Variants in RBBP4 observed in about 807,000 individuals in gnomAD.
The protein encoded by RBBP4 is RB binding protein 4, chromatin remodeling factor.
RBBP4 carries 3 observed loss-of-function variants against 57.2 expected under a neutral mutation model. That is an observed-to-expected ratio of 0.05 (90% CI 0.02 to 0.14). The LOEUF is 0.14. Among genes scored for constraint, RBBP4 ranks in the 10% least tolerant of loss-of-function variants. RBBP4 has a pLI of 1.00. For missense variants in RBBP4, 107 were observed against 520.6 expected, an observed-to-expected ratio of 0.21 and a Z score of 7.73; for synonymous variants, 151 against 171.5, an observed-to-expected ratio of 0.88 and a Z score of 0.93.
intron 2 of RBBP4, among the ~76,000 whole-genome samples, chr1:32,655,382 C>A (rs187967790): frequency 3.1e-4 from 47 of 149,510 alleles, no homozygotes; most frequent in Non-Finnish European, 6.3e-4. Flanking sequence ...ATCCGTTTCC[C>A]CCCTTTAAAA....
Position 32,657,418 on chromosome 1 carries a change from C to T in RBBP4, c.165-9C>T, listed in dbSNP as rs369960961. 9 of 1,610,358 alleles carry T rather than the reference C, an allele frequency of 5.6e-6. No individual in the cohort carries two copies. The highest frequency in any genetic ancestry group is 7.6e-6 in the Non-Finnish European group (9 of 1,178,416). ...TAATTTGAACAGTGACTATATATTG[C>T]CGTTACAGACCAGAAGGGAAAGATT... On this transcript the variant is annotated splice_polypyrimidine_tract_variant and intron_variant, in intron 2 of 11. Transcript: ENST00000373493.
Position 32,681,671 on chromosome 1 carries a change from G to A in RBBP4, c.*1966G>A, listed in dbSNP as rs772801481. The A allele has an allele frequency of 1.7e-5, 15 of 880,142 alleles. No homozygotes were observed. The highest frequency in any genetic ancestry group is 7.1e-5 in the Admixed American group (3 of 42,232). The allele number at this position is 880,142 out of a possible 1,614,324, so 54.5% of individuals were successfully genotyped here. A position where few individuals can be genotyped will look rare whatever the true frequency, so the allele number is the denominator to read the frequency against. On this transcript the variant is annotated 3_prime_UTR_variant, in exon 12 of 12. Coordinates refer to ENST00000373493, the MANE Select transcript of RBBP4 (RefSeq NM_005610.3). ...CAAAGAGTTGACATGTTCTGCCTCC[G>A]GCCAACTCTAGAATCTTTTTAAGCA...
chr1:32,653,635 T>TG (rs1484970457), intron 2 of RBBP4, among the ~76,000 whole-genome samples: 18 of 28,688 alleles, frequency 6.3e-4, no homozygotes, highest in Admixed American at 1.6e-3. Flanking sequence ...TTTTGTTTTC[T>TG]GGTTTTTTTT....
chr1:32,669,937 T>A lies in RBBP4; in HGVS notation c.966+374T>A, dbSNP rs1254828412. Among the ~76,000 whole-genome samples the A allele has an allele frequency of 6.6e-6, 1 of 152,202 alleles. No individual in the cohort carries two copies. Among genetic ancestry groups the A allele is most frequent in the African/African-American group, 2.4e-5 (1 of 41,458 alleles). ...ACCTGGATGTATGAGTGGGCACACA[T>A]GTGCTTTATGCCGTTGCTAAAAATA... is the stretch of plus-strand genomic sequence containing the variant. On this transcript the variant is annotated intron_variant, in intron 8 of 11. Transcript: ENST00000373493. This position sits in a 1 kb window ranked among gnomAD's most constrained non-coding sequence, Gnocchi z 4.9.
intron 11 of RBBP4, among the ~76,000 whole-genome samples, chr1:32,677,478 AAAAC>A (rs547773881): frequency 0.041 from 5,706 of 140,432 alleles, 180 homozygotes; most frequent in Admixed American, 0.11. Context: ...TTTAAAAAAA[AAAAC>A]AAAACAAAAA....
chr1:32,653,686 GTCTCC>G (rs1648008758), intron 2 of RBBP4, among the ~76,000 whole-genome samples: 2 of 105,368 alleles, frequency 1.9e-5, no homozygotes, highest in African/African-American at 3.6e-5. Context: ...TTGAGACGGA[GTCTCC>G]TCTCTTGCCC....
At chr1:32,677,803 TTC>T (rs1283614515) in intron 11 of RBBP4, among the ~76,000 whole-genome samples, 2 of 152,180 alleles carry the variant, frequency 1.3e-5, no homozygotes, top group African/African-American at 4.8e-5. Flanking sequence ...ATGTATTCTT[TTC>T]TCTGGGGTCA....
At chr1:32,652,381 G>C (rs1395989101) in intron 2 of RBBP4, 1 of 227,932 alleles carries the variant, frequency 4.4e-6, no homozygotes, top group Non-Finnish European at 8.8e-6. Context: ...GCCAGGAGCA[G>C]TGGCTCACAC....
At position 32,682,927 on chromosome 1, in the gene RBBP4, G is replaced by C. The variant is rs1300424916; in HGVS notation, c.*3222G>C. The C allele has an allele frequency of 6.6e-6, 1 of 152,118 alleles. No homozygotes were observed. The highest frequency in any genetic ancestry group is 1.5e-5 in the Non-Finnish European group (1 of 68,052). The allele number at this position is 152,118 out of a possible 1,614,324, so 9.4% of individuals were successfully genotyped here. On this transcript the variant is annotated 3_prime_UTR_variant, in exon 12 of 12. Transcript: ENST00000373493. ...CAGAATATACTGGTAAAACATTGGG[G>C]GAGGGATCCTGAGTAGGTGATTGGT...
chr1:32,658,992 TTG>T (rs1648274337), intron 3 of RBBP4, among the ~76,000 whole-genome samples: 2 of 137,058 alleles, frequency 1.5e-5, no homozygotes, highest in Admixed American at 8.5e-5. Flanking sequence ...CGTGTATATA[TTG>T]TGTGTAAAAT....
At chr1:32,672,213 C>T (rs1219766849) in intron 8 of RBBP4, among the ~76,000 whole-genome samples, 1 of 151,992 alleles carries the variant, frequency 6.6e-6, no homozygotes, top group Non-Finnish European at 1.5e-5. Flanking sequence ...TGATCTTGAA[C>T]TCCTGACCTC....
Position 32,681,971 on chromosome 1 carries a change from C to CT in RBBP4, c.*2269dup. 2 of 961,512 alleles carry CT rather than the reference C, an allele frequency of 2.1e-6. No homozygotes were observed. Among genetic ancestry groups the CT allele is most frequent in the South Asian group, 2.9e-5 (2 of 68,438 alleles). The allele number at this position is 961,512 out of a possible 1,614,324, so 59.6% of individuals were successfully genotyped here. On this transcript the variant is annotated 3_prime_UTR_variant, in exon 12 of 12. Coordinates refer to ENST00000373493, the MANE Select transcript of RBBP4 (RefSeq NM_005610.3). Reference sequence around the variant, plus strand: ...GTGATTTATGGATGATCAGGGATGACTTTCCCCTAGCAAATATTTGGATGC... The same window carrying CT: ...GTGATTTATGGATGATCAGGGATGACTTTTCCCCTAGCAAATATTTGGATGC...
intron 1 of RBBP4, chr1:32,651,699 C>T (rs1647697366): frequency 7.8e-6 from 6 of 770,508 alleles, no homozygotes; most frequent in African/African-American, 3.5e-5. Context: ...CCTGGCTGGC[C>T]CCTTGGCCTG....
chr1:32,670,362 A>G (rs1648818364), intron 8 of RBBP4, among the ~76,000 whole-genome samples: 1 of 152,160 alleles, frequency 6.6e-6, no homozygotes. Flanking sequence ...CTACCTCATC[A>G]GTTTAAACCC....
At position 32,681,496 on chromosome 1, in the gene RBBP4, A is replaced by C. The variant is rs1017234684; in HGVS notation, c.*1791A>C. ...TTGGTTTGGGTCAACACAAGGCAAG[A>C]TACATTCTTTAAAATACTCCCAGAT... On this transcript the variant is annotated 3_prime_UTR_variant, in exon 12 of 12. Coordinates refer to ENST00000373493, the MANE Select transcript of RBBP4 (RefSeq NM_005610.3). The C allele has an allele frequency of 1.1e-5, 3 of 278,200 alleles. No individual in the cohort carries two copies. The highest frequency in any genetic ancestry group is 6.6e-5 in the African/African-American group (3 of 45,600). 17.2% of individuals were successfully genotyped at this position (278,200 alleles called of 1,614,324 possible).
chr1:32,679,798 G>A lies in RBBP4; in HGVS notation c.*93G>A, dbSNP rs1351652198. On this transcript the variant is annotated 3_prime_UTR_variant, in exon 12 of 12. Coordinates refer to ENST00000373493, the MANE Select transcript of RBBP4 (RefSeq NM_005610.3). ...CTGGTTTTGAGACAGACTTTATTCA[G>A]CTATCCCTCTATATAATAGGTACCA... 7.1e-6 allele frequency: 11 copies of A among 1,558,804 alleles called. No individual in the cohort carries two copies. Among genetic ancestry groups the A allele is most frequent in the Non-Finnish European group, 7.8e-6 (9 of 1,156,498 alleles).
Position 32,657,494 on chromosome 1 carries a change from C to T in RBBP4, c.232C>T (p.His78Tyr). ...GACACACACATCGGATGAACAAAAC[C>T]ATCTTGTTATAGCCAGTGTGCAGCT... ...LGTHTSDEQNHLVIASVQLPN... is the reference protein window; with the variant it reads ...LGTHTSDEQNYLVIASVQLPN... The change falls in exon 3 of 12, where the codon CAT (histidine) becomes TAT (tyrosine). Residue 78 changes from histidine to tyrosine, a missense_variant. His to Tyr is a moderately conservative substitution (Grantham distance 83). Transcript: ENST00000373493. The T allele has an allele frequency of 6.2e-7, 1 of 1,613,964 alleles. No homozygotes were observed. Among genetic ancestry groups the T allele is most frequent in the Non-Finnish European group, 8.5e-7 (1 of 1,179,888 alleles).
intron 3 of RBBP4, among the ~76,000 whole-genome samples, chr1:32,665,483 G>T (rs1439510421): frequency 1.3e-5 from 2 of 151,988 alleles, no homozygotes; most frequent in Non-Finnish European, 2.9e-5. Context: ...TTCAAGACCA[G>T]TCTGGCCAAC....
intron 1 of RBBP4, 81 bp downstream of exon 1, chr1:32,651,403 C>T (rs756945646): frequency 5.0e-6 from 7 of 1,387,446 alleles, no homozygotes; most frequent in Non-Finnish European, 6.6e-6. Context: ...ACAGTGAGGG[C>T]AGGCCCGAGT....
Sources: gnomAD v4.1 joint callset for allele counts (sites outside exome capture counted in the v4.1 genomes callset) on GRCh38, gnomAD v4.1.1 for gene constraint, Gnocchi (gnomAD v3.1) non-coding constraint, MANE v1.5 for transcripts, NCBI Gene and HGNC (gene_info 2026-07-23, HGNC 2026-07-21) for gene names.